The following CSF2RA variants were observed in gnomAD, a reference collection of about 807,000 sequenced individuals.
CSF2RA encodes the protein granulocyte-macrophage colony-stimulating factor receptor subunit alpha.
CSF2RA carries 42 observed loss-of-function variants against 51.6 expected under a neutral mutation model. That is an observed-to-expected ratio of 0.81 (90% CI 0.64 to 1.05). The LOEUF is 1.05. Among genes scored for constraint, CSF2RA ranks in the 50% least tolerant of loss-of-function variants. The probability of loss-of-function intolerance (pLI) is 0.00; values close to 1 mark genes in which losing one functional copy is unlikely to be tolerated. For synonymous variants in CSF2RA, 222 were observed against 193.0 expected, an observed-to-expected ratio of 1.15 and a Z score of -1.24; for missense variants, 530 against 501.1, an observed-to-expected ratio of 1.06 and a Z score of -0.55.
At chrX:1,314,990 C>CACCTGCCCAACCACACTGA (rs2084506899), downstream of CSF2RA, among the ~76,000 whole-genome samples, 1 of 102,922 alleles carries the variant, frequency 9.7e-6, no homozygotes, top group Non-Finnish European at 2.2e-5. Flanking sequence ...AATCGCACTG[C>CACCTGCCCAACCACACTGA]ACCTGCCCAA....
chrX:1,272,294 C>G (rs1216268583), intron 1 of CSF2RA, among the ~76,000 whole-genome samples: 2 of 150,886 alleles, frequency 1.3e-5, no homozygotes, highest in African/African-American at 2.4e-5. Flanking sequence ...CAAGATTCTT[C>G]AGAATGAGGA....
At chrX:1,323,158 T>TATAAAATAAAATAAAATATAAAATAAA in the CSF2RA span, among the ~76,000 whole-genome samples, 1 of 133,956 alleles carries the variant, frequency 7.5e-6, no homozygotes, top group Non-Finnish European at 1.5e-5. Context: ...ACATTACAAT[T>TATAAAATAAAATAAAATATAAAATAAA]ATAAAATAAA....
rs2090611566 is a variant in CSF2RA at position 1,286,060 on chromosome X, G to A, written c.219+140G>A. On this transcript the variant is annotated intron_variant, in intron 4 of 12. Transcript: ENST00000381529. ...GGCTGAGGTGGGCGGATCACCTGAG[G>A]TCGGGAGTTCAAGACCAGCCTGACC... The A allele has an allele frequency of 3.4e-6, 3 of 884,204 alleles. No individual in the cohort carries two copies. In the East Asian group the frequency reaches 7.3e-5, roughly 21 times the overall value. 54.8% of individuals were successfully genotyped at this position (884,204 alleles called of 1,614,324 possible). A position where few individuals can be genotyped will look rare whatever the true frequency, so the allele number is the denominator to read the frequency against.
intron 12 of CSF2RA, 114 bp downstream of exon 12, chrX:1,305,641 G>C (rs187465902): frequency 6.2e-7 from 1 of 1,611,154 alleles, no homozygotes; most frequent in African/African-American, 1.3e-5. Context: ...GGACCGCAGC[G>C]TCACCACCGG....
rs1310123800 is a variant in CSF2RA at position 1,288,822 on chromosome X, G to C, written c.407G>C (p.Cys136Ser). 6.2e-7 allele frequency: 1 copy of C among 1,613,844 alleles called. No individual in the cohort carries two copies. Among genetic ancestry groups the C allele is most frequent in the Non-Finnish European group, 8.5e-7 (1 of 1,179,878 alleles). Residue 136 changes from cysteine to serine, a missense_variant, in exon 6 of 13, where the codon TGT (cysteine) becomes TCT (serine). Coordinates refer to ENST00000381529, the MANE Select transcript of CSF2RA (RefSeq NM_172245.4). ...CFIYNADLMN[C>S]TWARGPTAPR... ...ATCTACAATGCGGATTTAATGAACT[G>C]TACCTGGGCGAGGGGTCCGACGGCC... is the stretch of plus-strand genomic sequence containing the variant.
chrX:1,272,458 GAA>G (rs2088560824), intron 1 of CSF2RA, among the ~76,000 whole-genome samples: 1 of 142,712 alleles, frequency 7.0e-6, no homozygotes, highest in Non-Finnish European at 1.5e-5. Context: ...ACTGCGGACT[GAA>G]CTCTGATTTT....
chrX:1,277,310 C>T (rs1200632521), intron 2 of CSF2RA, among the ~76,000 whole-genome samples: 2 of 151,644 alleles, frequency 1.3e-5, no homozygotes, highest in Non-Finnish European at 2.9e-5. Flanking sequence ...AGAAAGAATT[C>T]AGGGCGGCCG....
downstream of CSF2RA, among the ~76,000 whole-genome samples, chrX:1,314,244 C>T (rs757445817): frequency 2.8e-5 from 3 of 106,924 alleles, no homozygotes; most frequent in African/African-American, 8.8e-5. Flanking sequence ...TGCCCAACCC[C>T]ACTGCACCTG....
At chrX:1,280,904 G>GCTCCTTCTCCTCCTC (rs2089867081) in intron 2 of CSF2RA, among the ~76,000 whole-genome samples, 3 of 26,980 alleles carry the variant, frequency 1.1e-4, no homozygotes, top group Non-Finnish European at 2.0e-4. Flanking sequence ...TCCTCCTCCT[G>GCTCCTTCTCCTCCTC]CTCCTTCTCC....
intron 2 of CSF2RA, among the ~76,000 whole-genome samples, chrX:1,280,922 CCTCCTTCTCCTCCTCCTCCTCCTGCTT>C (rs2089878177): frequency 7.5e-6 from 1 of 132,996 alleles, no homozygotes; most frequent in African/African-American, 2.8e-5. Flanking sequence ...TCCTCCTCCT[CCTCCTTCTCCTCCTCCTCCTCCTGCTT>C]CTCCTCCTCC....
At chrX:1,300,282 C>T in intron 9 of CSF2RA, 1 of 589,812 alleles carries the variant, frequency 1.7e-6, no homozygotes, top group South Asian at 2.3e-5. Context: ...ATTTTCCCAA[C>T]TTGTCTCCCA....
At chrX:1,279,412 C>G (rs1404569167) in intron 2 of CSF2RA, among the ~76,000 whole-genome samples, 1 of 151,798 alleles carries the variant, frequency 6.6e-6, no homozygotes, top group Admixed American at 6.6e-5. Context: ...ACAAATATCC[C>G]AAACATTTAG....
rs372723037 is a variant in CSF2RA at position 1,309,503 on chromosome X, A to T, written c.*24A>T. On this transcript the variant is annotated 3_prime_UTR_variant, in exon 13 of 13. Transcript: ENST00000381529. ...GAGACCCAGAGGGTGTAGGAATGGC[A>T]TGGACATCTCCGCCTCCGCGACACG... 20 of 1,613,846 alleles carry T rather than the reference A, an allele frequency of 1.2e-5. No individual in the cohort carries two copies. The highest frequency in any genetic ancestry group is 5.0e-5 in the Admixed American group (3 of 59,990).
Position 1,301,706 on chromosome X carries a change from C to T in CSF2RA, c.946+1080C>T, listed in dbSNP as rs2082955101. ...CCACCTCCTGGGTTCACGCCATTCT[C>T]CTGCCTCAGCCTCCCCAGTAGCTGG... On this transcript the variant is annotated intron_variant, in intron 10 of 12. Coordinates refer to ENST00000381529, the MANE Select transcript of CSF2RA (RefSeq NM_172245.4). 2.0e-5 allele frequency among the ~76,000 whole-genome samples: 3 copies of T among 150,098 alleles called. No homozygotes were observed. In the South Asian group the frequency reaches 6.3e-4, roughly 32 times the overall value.
the CSF2RA span, among the ~76,000 whole-genome samples, chrX:1,318,137 C>T: frequency 2.0e-5 from 3 of 150,142 alleles, no homozygotes; most frequent in African/African-American, 7.4e-5. Flanking sequence ...TACAGGCACC[C>T]GCCACCACGC....
chrX:1,292,274 ACCTGGAC>A, intron 7 of CSF2RA, among the ~76,000 whole-genome samples: 1 of 152,028 alleles, frequency 6.6e-6, no homozygotes. Context: ...CCCCACCTCT[ACCTGGAC>A]CCAGTGTGAA....
chrX:1,289,175 G>A, intron 6 of CSF2RA: 1 of 455,664 alleles, frequency 2.2e-6, no homozygotes, highest in Non-Finnish European at 4.0e-6. Context: ...CCAGGCTGGA[G>A]TGTAGTGATG....
chrX:1,323,158 T>TTAAAATAAAATAAAATAAAATAAAATAAA, the CSF2RA span, among the ~76,000 whole-genome samples: 1 of 133,956 alleles, frequency 7.5e-6, no homozygotes, highest in Non-Finnish European at 1.5e-5. Flanking sequence ...ACATTACAAT[T>TTAAAATAAAATAAAATAAAATAAAATAAA]ATAAAATAAA....
At chrX:1,269,761 A>G (rs2088124087) in intron 1 of CSF2RA, among the ~76,000 whole-genome samples, 1 of 152,032 alleles carries the variant, frequency 6.6e-6, no homozygotes, top group Admixed American at 6.6e-5. Context: ...GATCTTGCCC[A>G]AGAAAGAACT....
Sources: gnomAD v4.1 joint callset for allele counts (sites outside exome capture counted in the v4.1 genomes callset) on GRCh38, gnomAD v4.1.1 for gene constraint, MANE v1.5 for transcripts, NCBI Gene and HGNC (gene_info 2026-07-23, HGNC 2026-07-21) for gene names.